The following CEP78 variants were observed in gnomAD, a reference collection of about 807,000 sequenced individuals.
CEP78 encodes the protein centrosomal protein of 78 kDa.
CEP78 carries 76 observed loss-of-function variants against 81.2 expected under a neutral mutation model. That is an observed-to-expected ratio of 0.94 (90% CI 0.78 to 1.13). The LOEUF (loss-of-function observed/expected upper bound fraction) is 1.13. Ranked by LOEUF, CEP78 falls within the 50% of genes most tolerant of loss-of-function variation. The pLI, the probability that CEP78 is intolerant of heterozygous loss-of-function variation, is 0.00. For missense variants in CEP78, 918 were observed against 846.8 expected, an observed-to-expected ratio of 1.08 and a Z score of -1.04; for synonymous variants, 293 against 301.4, an observed-to-expected ratio of 0.97 and a Z score of 0.29.
chr9:78,264,819 T>C (rs1382018187), intron 13 of CEP78, among the ~76,000 whole-genome samples: 4 of 152,228 alleles, frequency 2.6e-5, no homozygotes, highest in Non-Finnish European at 5.9e-5. Context: ...AAGTTTGAGA[T>C]ATTAAAATTG....
rs897875925 is a variant in CEP78, at chr9:78,266,613, C to T, written c.2017C>T (p.Pro673Ser). ...GFIARMCSPS[P>S]DATSGTGSQR... ...CATTGCTAGAATGTGTTCTCCTTCACCAGATGCGACTTCTGGAACTGGAAG... is the reference window on the plus strand; with the variant it reads ...CATTGCTAGAATGTGTTCTCCTTCATCAGATGCGACTTCTGGAACTGGAAG... The change falls in exon 16 of 17, where the codon CCA becomes TCA. Residue 673 changes from proline (P) to serine (S), a missense_variant. Coordinates refer to ENST00000643273, the MANE Select transcript of CEP78 (RefSeq NM_001330691.3). 1.9e-6 allele frequency: 3 copies of T among 1,613,184 alleles called. No individual in the cohort carries two copies. The African/African-American group carries it at 4.0e-5, about 22-fold the overall frequency.
rs1587621912 is a variant in CEP78 at position 78,277,868 on chromosome 9, CAT to C, written c.*7021_*7022del. On this transcript the variant is annotated 3_prime_UTR_variant, in exon 17 of 17. Transcript: ENST00000643273. ...TGAATTAGTACATACCAATTTCTGACATATAACACTCTGCAGCAGATAAAGAC... is the reference window on the plus strand; with the variant it reads ...TGAATTAGTACATACCAATTTCTGACATAACACTCTGCAGCAGATAAAGAC... The C allele has an allele frequency of 6.6e-6, 1 of 152,156 alleles. No homozygotes were observed. The highest frequency in any genetic ancestry group is 1.5e-5 in the Non-Finnish European group (1 of 68,012). 9.4% of individuals were successfully genotyped at this position (152,156 alleles called of 1,614,324 possible).
chr9:78,269,785 A>C (rs1404958595), intron 16 of CEP78, among the ~76,000 whole-genome samples: 1 of 152,196 alleles, frequency 6.6e-6, no homozygotes, highest in South Asian at 2.1e-4. Flanking sequence ...GATAAGAGGA[A>C]ATGGAGTTAG....
chr9:78,267,050 A>C lies in CEP78; in HGVS notation c.2107+347A>C, dbSNP rs1288802958. On this transcript the variant is annotated intron_variant, in intron 16 of 16. Transcript: ENST00000643273. ...ATGTTTTTACCTTTAAATTTTAATA[A>C]ATTTTCTTATGTTTTTATTATGGCA... 2.5e-6 allele frequency: 3 copies of C among 1,182,994 alleles called. No homozygotes were observed. The African/African-American group carries it at 4.7e-5, about 19-fold the overall frequency. 73.3% of individuals were successfully genotyped at this position (1,182,994 alleles called of 1,614,324 possible). A position where few individuals can be genotyped will look rare whatever the true frequency, so the allele number is the denominator to read the frequency against.
intron 16 of CEP78, among the ~76,000 whole-genome samples, chr9:78,267,945 AC>A (rs1403568356): frequency 6.6e-6 from 1 of 152,156 alleles, no homozygotes; most frequent in Admixed American, 6.5e-5. Context: ...AAGGGCTACT[AC>A]AATACTACTG....
At position 78,272,765 on chromosome 9, in the gene CEP78, G is replaced by A. The variant is rs915759482; in HGVS notation, c.*1914G>A. On this transcript the variant is annotated 3_prime_UTR_variant, in exon 17 of 17. Transcript: ENST00000643273. ...TTTGCCTTTGGCAGATTGGCTAGAG[G>A]CCCCTATTCAACATCAACCTCAATC... 6 of 152,302 alleles carry A rather than the reference G, an allele frequency of 3.9e-5. No individual in the cohort carries two copies. The highest frequency in any genetic ancestry group is 8.8e-5 in the Non-Finnish European group (6 of 68,022). The allele number at this position is 152,302 out of a possible 1,614,324, so 9.4% of individuals were successfully genotyped here.
intron 11 of CEP78, 91 bp from the exon 12 acceptor site, chr9:78,262,816 C>T (rs1827334040): frequency 8.7e-6 from 6 of 690,280 alleles, no homozygotes; most frequent in Non-Finnish European, 1.4e-5. Flanking sequence ...CTGGCTCTGT[C>T]CCTAAACACT....
In CEP78 at chr9:78,266,698, A is replaced by G. The variant is rs1416954758; in HGVS notation, c.2102A>G (p.Lys701Arg). The change falls in exon 16 of 17, where the codon AAA becomes AGA. Residue 701 changes from lysine (K) to arginine (R), a missense_variant. Transcript: ENST00000643273. The stretch of plus-strand genomic sequence containing the variant: ...AGATCTTCTTCAGAGAAAAAGACCA[A>G]AACAGGTGAATATACCAAAAAACAC... The part of the protein sequence containing the change: ...NSRSSSEKKT[K>R]TESH 1 of 1,612,070 alleles carries G rather than the reference A, an allele frequency of 6.2e-7. No individual in the cohort carries two copies. The highest frequency in any genetic ancestry group is 2.2e-5 in the East Asian group (1 of 44,872).
chr9:78,242,732 A>G (rs961319301), intron 4 of CEP78, among the ~76,000 whole-genome samples: 2 of 152,102 alleles, frequency 1.3e-5, no homozygotes, highest in Non-Finnish European at 2.9e-5. Flanking sequence ...TTTTTCTCTT[A>G]AAATCAGTGT....
chr9:78,265,350 C>G, intron 13 of CEP78, 22 bp from the exon 14 acceptor site: 1 of 1,555,420 alleles, frequency 6.4e-7, no homozygotes. Context: ...TTGCCTTTTC[C>G]TCCTTTTCTT....
At chr9:78,241,545 G>T (rs1826228593) in intron 3 of CEP78, 151 bp from the exon 4 acceptor site, 1 of 497,662 alleles carries the variant, frequency 2.0e-6, no homozygotes, top group Non-Finnish European at 3.6e-6. Flanking sequence ...ATTTTAGAAT[G>T]TACCAATCAG....
At chr9:78,244,471 A>G (rs1253055219) in intron 5 of CEP78, among the ~76,000 whole-genome samples, 1 of 152,250 alleles carries the variant, frequency 6.6e-6, no homozygotes, top group African/African-American at 2.4e-5. Flanking sequence ...TGAGTAACTC[A>G]GTATAATGTA....
chr9:78,253,306 A>G, intron 10 of CEP78, 29 bp downstream of exon 10: 2 of 1,035,746 alleles, frequency 1.9e-6, no homozygotes, highest in Non-Finnish European at 3.0e-6. Context: ...TATAATATGT[A>G]GGGGATTGGA....
intron 15 of CEP78, 54 bp downstream of exon 15, chr9:78,265,960 G>C (rs1827509533): frequency 1.2e-6 from 1 of 868,104 alleles, no homozygotes; most frequent in South Asian, 1.4e-5. Flanking sequence ...TATATAACAG[G>C]CAGTATATTA....
intron 8 of CEP78, chr9:78,250,450 T>G (rs897834630): frequency 5.5e-6 from 2 of 360,586 alleles, no homozygotes; most frequent in East Asian, 4.0e-5. Flanking sequence ...TTAAAATTTA[T>G]ATTTGCGGCC....
At chr9:78,257,083 A>G (rs1034217625) in intron 11 of CEP78, among the ~76,000 whole-genome samples, 2 of 151,988 alleles carry the variant, frequency 1.3e-5, no homozygotes, top group Admixed American at 6.5e-5. Flanking sequence ...GAGGACAGAA[A>G]AAAATGGATG....
chr9:78,262,692 A>C (rs966645316), intron 11 of CEP78, among the ~76,000 whole-genome samples: 2 of 152,122 alleles, frequency 1.3e-5, no homozygotes, highest in South Asian at 4.1e-4. Flanking sequence ...TATTTTGGAA[A>C]GAGTGGAAAT....
At chr9:78,260,349 C>T (rs1405428390) in intron 11 of CEP78, among the ~76,000 whole-genome samples, 3 of 152,134 alleles carry the variant, frequency 2.0e-5, no homozygotes, top group South Asian at 4.2e-4. Context: ...TCTTGTTAGC[C>T]ATAAAGGAAT....
rs71360676 is a variant in CEP78, at chr9:78,236,969, C to CTTTTTTTTTTTTTTT, written c.253+381_253+395dup. ...GAAATTAATACATGTCAGCCTTTGT[C>CTTTTTTTTTTTTTTT]TTTTTTTTTTTTTTTTTTTTTTTTT... On this transcript the variant is annotated intron_variant, in intron 1 of 16. Coordinates refer to ENST00000643273, the MANE Select transcript of CEP78 (RefSeq NM_001330691.3). Among the ~76,000 whole-genome samples the CTTTTTTTTTTTTTTT allele has an allele frequency of 6.9e-4, 43 of 62,114 alleles. 4 individuals carry two copies. Among genetic ancestry groups the CTTTTTTTTTTTTTTT allele is most frequent in the African/African-American group, 1.3e-3 (21 of 16,056 alleles). 40.7% of individuals were successfully genotyped at this position (62,114 alleles called of 152,430 possible).
Sources: gnomAD v4.1 joint callset for allele counts (sites outside exome capture counted in the v4.1 genomes callset) on GRCh38, gnomAD v4.1.1 for gene constraint, MANE v1.5 for transcripts, NCBI Gene and HGNC (gene_info 2026-07-23, HGNC 2026-07-21) for gene names.